GPATCH2: variants seen among roughly 807,000 people sequenced by gnomAD.
GPATCH2 encodes G patch domain-containing protein 2.
Under a neutral mutation model 58.0 loss-of-function variants are expected in GPATCH2, and 51 were observed. That is an observed-to-expected ratio of 0.88 (90% CI 0.70 to 1.11). The LOEUF is 1.11. Among genes scored for constraint, GPATCH2 ranks in the 50% most tolerant of loss-of-function variants. The pLI is 0.00. For synonymous variants in GPATCH2, 222 were observed against 218.5 expected (o/e 1.02, Z -0.14); for missense variants, 625 against 652.2 (o/e 0.96, Z 0.45).
intron 6 of GPATCH2, among the ~76,000 whole-genome samples, chr1:217,514,126 C>T (rs1018869574): frequency 1.2e-4 from 17 of 143,358 alleles, no homozygotes; most frequent in Admixed American, 8.5e-4. Flanking sequence ...CATGCCTGGC[C>T]CCCCCGCAAA....
chr1:217,559,401 C>G (rs11811906), intron 5 of GPATCH2, among the ~76,000 whole-genome samples: 85 of 152,144 alleles, frequency 5.6e-4, no homozygotes, highest in Non-Finnish European at 1.0e-3. Flanking sequence ...GAGCCTTCAA[C>G]GGCCCCTCCA....
intron 9 of GPATCH2, among the ~76,000 whole-genome samples, chr1:217,442,950 A>G (rs186725391): frequency 6.6e-6 from 1 of 152,208 alleles, no homozygotes; most frequent in East Asian, 1.9e-4. Flanking sequence ...TGCTTATACT[A>G]TCTTGAAGAC....
intron 5 of GPATCH2, chr1:217,608,188 C>T (rs1361799258): frequency 1.5e-5 from 12 of 781,344 alleles, no homozygotes; most frequent in Non-Finnish European, 1.9e-5. Context: ...GAACTCTTAC[C>T]TTTCTTGCCC....
At chr1:217,622,361 T>C (rs529134299) in intron 1 of GPATCH2, among the ~76,000 whole-genome samples, 17 of 152,350 alleles carry the variant, frequency 1.1e-4, no homozygotes, top group African/African-American at 3.8e-4. Flanking sequence ...GCGGTTTGGT[T>C]AATGTGAATT....
At chr1:217,610,218 GTTTAACAT>G in intron 5 of GPATCH2, 95 bp downstream of exon 5, 1 of 1,565,518 alleles carries the variant, frequency 6.4e-7, no homozygotes, top group Non-Finnish European at 8.8e-7. Flanking sequence ...TTATTTTTAA[GTTTAACAT>G]TAGAATATGA....
intron 5 of GPATCH2, among the ~76,000 whole-genome samples, chr1:217,523,374 T>C (rs1179941565): frequency 6.6e-6 from 1 of 151,532 alleles, no homozygotes; most frequent in Non-Finnish European, 1.5e-5. Context: ...TGGTGATGAC[T>C]CTTAACGAGC....
chr1:217,457,182 T>C (rs1470700410), intron 8 of GPATCH2, among the ~76,000 whole-genome samples: 1 of 152,222 alleles, frequency 6.6e-6, no homozygotes. Flanking sequence ...ATTGAAGCTT[T>C]AGGTTGCATT....
intron 5 of GPATCH2, among the ~76,000 whole-genome samples, chr1:217,567,869 C>A (rs1666326098): frequency 6.6e-6 from 1 of 152,194 alleles, no homozygotes; most frequent in Non-Finnish European, 1.5e-5. Context: ...GTAATCCCAG[C>A]AATTTGGGAG....
At chr1:217,449,592 C>A (rs562550367) in intron 8 of GPATCH2, among the ~76,000 whole-genome samples, 3 of 152,300 alleles carry the variant, frequency 2.0e-5, no homozygotes, top group Non-Finnish European at 4.4e-5. Flanking sequence ...AACTGGCAAT[C>A]TTTCTGGCTC....
intron 8 of GPATCH2, among the ~76,000 whole-genome samples, chr1:217,484,713 A>G (rs1017977224): frequency 3.3e-5 from 5 of 150,490 alleles, no homozygotes; most frequent in African/African-American, 9.7e-5. Context: ...ATATGTGTGC[A>G]TAGAGGTGAT....
intron 8 of GPATCH2, among the ~76,000 whole-genome samples, chr1:217,469,878 G>A (rs575380463): frequency 3.9e-5 from 6 of 152,198 alleles, no homozygotes; most frequent in African/African-American, 1.4e-4. Context: ...AGCAGATGTT[G>A]TTTATTATTT....
intron 7 of GPATCH2, among the ~76,000 whole-genome samples, chr1:217,493,338 T>C (rs1661841848): frequency 6.6e-6 from 1 of 152,176 alleles, no homozygotes; most frequent in Non-Finnish European, 1.5e-5. Flanking sequence ...TGCTTCCTCC[T>C]ACCCCAACCT....
At chr1:217,604,889 G>A (rs1004718075) in intron 5 of GPATCH2, among the ~76,000 whole-genome samples, 2 of 152,140 alleles carry the variant, frequency 1.3e-5, no homozygotes, top group Non-Finnish European at 2.9e-5. Context: ...AGCTGGCGTG[G>A]TGGCAGGCAC....
At chr1:217,525,140 T>C (rs936386792) in intron 5 of GPATCH2, among the ~76,000 whole-genome samples, 5 of 151,834 alleles carry the variant, frequency 3.3e-5, no homozygotes, top group Admixed American at 6.6e-5. Context: ...GGTGACTACA[T>C]TTATTTTAAG....
intron 8 of GPATCH2, among the ~76,000 whole-genome samples, chr1:217,477,195 C>G (rs1031300573): frequency 6.6e-6 from 1 of 152,060 alleles, no homozygotes; most frequent in Non-Finnish European, 1.5e-5. Context: ...CACTTGCTAA[C>G]TGAAGAGCCT....
intron 5 of GPATCH2, among the ~76,000 whole-genome samples, chr1:217,557,865 C>T (rs1009442790): frequency 5.3e-5 from 8 of 152,202 alleles, no homozygotes; most frequent in Admixed American, 1.3e-4. Flanking sequence ...CTTTTCAGTA[C>T]ATGACCATCA....
At position 217,427,917 on chromosome 1, in the gene GPATCH2, C is replaced by T. The variant is rs1183077710; in HGVS notation, c.*3228G>A. The T allele has an allele frequency of 1.3e-5, 2 of 152,140 alleles. No homozygotes were observed. The highest frequency in any genetic ancestry group is 2.9e-5 in the Non-Finnish European group (2 of 67,998). The allele number at this position is 152,140 out of a possible 1,614,324, so 9.4% of individuals were successfully genotyped here. A position where few individuals can be genotyped will look rare whatever the true frequency, so the allele number is the denominator to read the frequency against. ...CACATTATGTATATCTTTACCCCTA[C>T]TGTGTTAACTTCTGTTTGATAGCCA... On this transcript the variant is annotated 3_prime_UTR_variant, in exon 10 of 10. Coordinates refer to ENST00000366935, the MANE Select transcript of GPATCH2 (RefSeq NM_018040.5).
chr1:217,471,949 T>C (rs115183885), intron 8 of GPATCH2, among the ~76,000 whole-genome samples: 3,013 of 152,246 alleles, frequency 0.02, 108 homozygotes, highest in African/African-American at 0.067. Context: ...TTAAGTACAA[T>C]TTAATAATGT....
chr1:217,605,344 T>A (rs1668304130), intron 5 of GPATCH2, among the ~76,000 whole-genome samples: 1 of 152,198 alleles, frequency 6.6e-6, no homozygotes, highest in Non-Finnish European at 1.5e-5. Flanking sequence ...TAAATTGGAT[T>A]AAGAGCTAAT....
Sources: allele counts gnomAD v4.1 joint callset (sites outside exome capture counted in the v4.1 genomes callset), GRCh38; gene constraint gnomAD v4.1.1; transcripts MANE v1.5; gene names NCBI Gene and HGNC (gene_info 2026-07-23, HGNC 2026-07-21).